BEGAIN: variants seen among roughly 807,000 people sequenced by gnomAD.
BEGAIN encodes brain-enriched guanylate kinase-associated protein.
In BEGAIN, 19 loss-of-function variants were observed where a neutral mutation model predicts 35.8. That is an observed-to-expected ratio of 0.53 (90% CI 0.37 to 0.78). The LOEUF is 0.78. BEGAIN is among the 30% of genes least tolerant of loss of function. BEGAIN has a pLI of 0.00. For missense variants in BEGAIN, 795 were observed against 853.6 expected (o/e 0.93, Z 0.85); for synonymous variants, 462 against 388.6 (o/e 1.19, Z -2.22).
intron 2 of BEGAIN, chr14:100,547,249 G>C (rs1246495598): frequency 4.6e-5 from 7 of 152,268 alleles, no homozygotes; most frequent in Non-Finnish European, 8.8e-5. Flanking sequence ...TCCCATGCCC[G>C]GGCAGTGTCT....
In BEGAIN at chr14:100,558,608, G is replaced by C. The variant is rs77688823; in HGVS notation, c.71+9303C>G. On this transcript the variant is annotated intron_variant, in intron 2 of 6. Transcript: ENST00000554140. The surrounding 1 kb of genome is among the most constrained non-coding windows in gnomAD (Gnocchi z 4.6). The stretch of plus-strand genomic sequence containing the variant: ...CATGGGCAGCACAGATCTGCTGGGC[G>C]CAGCTGAGCTCCCATCGCCCCTACA... 0.011 allele frequency among the ~76,000 whole-genome samples: 1,700 copies of C among 152,264 alleles called. 25 individuals are homozygous for C. Among genetic ancestry groups the C allele is most frequent in the South Asian group, 0.084 (405 of 4,818 alleles).
chr14:100,552,959 G>T (rs141547115), intron 2 of BEGAIN, among the ~76,000 whole-genome samples: 1,703 of 152,284 alleles, frequency 0.011, 14 homozygotes, highest in Non-Finnish European at 0.019. Context: ...GTCACGTGGG[G>T]AGCAGCTGCC....
At chr14:100,545,478 G>A in intron 3 of BEGAIN, 1 of 1,003,120 alleles carries the variant, frequency 1.0e-6, no homozygotes, top group African/African-American at 1.7e-5. Flanking sequence ...ACTATGTGAT[G>A]GGCCCCAGGG....
At chr14:100,570,141 G>A (rs2035030827) in intron 1 of BEGAIN, among the ~76,000 whole-genome samples, 1 of 152,228 alleles carries the variant, frequency 6.6e-6, no homozygotes, top group Non-Finnish European at 1.5e-5. Flanking sequence ...CACGGCGAAT[G>A]ACCTGCCAGG....
Position 100,546,408 on chromosome 14 carries a change from C to CCCGGCCCTCGCCCCGG in BEGAIN, c.233+92_233+93insCCGGGGCGAGGGCCGG, listed in dbSNP as rs1566964280. 5 of 40,680 alleles carry CCCGGCCCTCGCCCCGG rather than the reference C, an allele frequency of 1.2e-4. No individual in the cohort carries two copies. The African/African-American group carries it at 1.3e-3, about 10-fold the overall frequency. The allele number at this position is 40,680 out of a possible 1,614,324, so 2.5% of individuals were successfully genotyped here. A position where few individuals can be genotyped will look rare whatever the true frequency, so the allele number is the denominator to read the frequency against. On this transcript the variant is annotated intron_variant, in intron 3 of 6. Transcript: ENST00000554140. ...TCGCCCCGCCCCGGCCCTCGCCCCG[C>CCCGGCCCTCGCCCCGG]CCCGGCCCTCGCCCCGCCCCGGCCC...
chr14:100,568,262 CT>C lies in BEGAIN; in HGVS notation c.43-324del. ...CTCGGCCTCGCCCGGAGGAGGGGGA[CT>C]CGGCCTGTCCCCGTTAACTCTCCGG... On this transcript the variant is annotated intron_variant, in intron 1 of 6. Transcript: ENST00000554140. The surrounding 1 kb of genome is among the most constrained non-coding windows in gnomAD (Gnocchi z 7.5). 1 of 638,026 alleles carries C rather than the reference CT, an allele frequency of 1.6e-6. No individual in the cohort carries two copies. The highest frequency in any genetic ancestry group is 2.3e-6 in the Non-Finnish European group (1 of 439,798). The allele number at this position is 638,026 out of a possible 1,614,324, so 39.5% of individuals were successfully genotyped here.
chr14:100,539,619 G>C (rs1414253655), intron 6 of BEGAIN, among the ~76,000 whole-genome samples: 2 of 152,092 alleles, frequency 1.3e-5, no homozygotes, highest in African/African-American at 4.8e-5. Context: ...CCGGAACCCA[G>C]GTCTGATTCA....
In BEGAIN at chr14:100,567,890, C is replaced by T; in HGVS notation, c.71+21G>A. 2 of 1,465,974 alleles carry T rather than the reference C, an allele frequency of 1.4e-6. No individual in the cohort carries two copies. Among genetic ancestry groups the T allele is most frequent in the Admixed American group, 2.2e-5 (1 of 44,672 alleles). The allele number at this position is 1,465,974 out of a possible 1,614,324, so 90.8% of individuals were successfully genotyped here. On this transcript the variant is annotated intron_variant, in intron 2 of 6. Transcript: ENST00000554140. This position sits in a 1 kb window ranked among gnomAD's most constrained non-coding sequence, Gnocchi z 5.1. ...CCGACCCGGCCCCCGCGAGCCGCGG[C>T]ACGGGAGACGCTCCACTCACCTGAG...
rs762088795 is a variant in BEGAIN at position 100,538,241 on chromosome 14, C to G, written c.1567G>C (p.Gly523Arg). 4.5e-6 allele frequency: 7 copies of G among 1,570,116 alleles called. No homozygotes were observed. Among genetic ancestry groups the G allele is most frequent in the East Asian group, 2.3e-5 (1 of 43,796 alleles). Residue 523 changes from glycine to arginine, a missense_variant, in exon 7 of 7, where the codon GGC becomes CGC. This residue lies in a region of BEGAIN where 664 missense variants were observed against 647.7 expected (regional missense o/e 1.03). Transcript: ENST00000554140. Reference sequence around the variant, plus strand: ...CCGGGCAGTGGGTCAGCCGAGCGGCCGGGACTGAGGCTCAGGTCGCCGCCC... The same window carrying G: ...CCGGGCAGTGGGTCAGCCGAGCGGCGGGGACTGAGGCTCAGGTCGCCGCCC... ...RAGGDLSLSP[G>R]RSADPLPGYA... is the part of the protein sequence containing the mutation.
At chr14:100,541,371 C>T (rs2031583272) in intron 5 of BEGAIN, among the ~76,000 whole-genome samples, 1 of 152,234 alleles carries the variant, frequency 6.6e-6, no homozygotes, top group African/African-American at 2.4e-5. Context: ...GGGCTGGCCA[C>T]AGTCCCAACC....
At position 100,568,330 on chromosome 14, in the gene BEGAIN, CT is replaced by C; in HGVS notation, c.43-392del. On this transcript the variant is annotated intron_variant, in intron 1 of 6. Coordinates refer to ENST00000554140, the MANE Select transcript of BEGAIN (RefSeq NM_001385089.1). This position sits in a 1 kb window ranked among gnomAD's most constrained non-coding sequence, Gnocchi z 7.5. The stretch of plus-strand genomic sequence containing the variant: ...GCTCCCCCCGCCCCGCCCGTTAACC[CT>C]TCCTGCCCCGCGCTCCCTCCCGGAG... 4 of 923,828 alleles carry C rather than the reference CT, an allele frequency of 4.3e-6. No homozygotes were observed. The highest frequency in any genetic ancestry group is 2.6e-5 in the Admixed American group (1 of 38,984). 57.2% of individuals were successfully genotyped at this position (923,828 alleles called of 1,614,324 possible).
chr14:100,538,744 C>T lies in BEGAIN; in HGVS notation c.1064G>A (p.Arg355His), dbSNP rs199676704. The T allele has an allele frequency of 3.8e-6, 6 of 1,571,456 alleles. No individual in the cohort carries two copies. In the East Asian group the frequency reaches 7.1e-5, roughly 18 times the overall value. ...YLNSRDELFDRKPPATTYEGS... is the reference protein window; with the variant it reads ...YLNSRDELFDHKPPATTYEGS... ...CTCGTAGGTGGTGGCGGGTGGCTTGCGGTCGAAGAGCTCGTCGCGGCTGTT... is the reference window on the plus strand; with the variant it reads ...CTCGTAGGTGGTGGCGGGTGGCTTGTGGTCGAAGAGCTCGTCGCGGCTGTT... Residue 355 changes from arginine (R) to histidine (H), a missense_variant, in exon 7 of 7, where the codon CGC becomes CAC. Physicochemically the swap from Arg to His is conservative, Grantham distance 29. This residue lies in a region of BEGAIN where 664 missense variants were observed against 647.7 expected (regional missense o/e 1.03). Coordinates refer to ENST00000554140, the MANE Select transcript of BEGAIN (RefSeq NM_001385089.1).
Position 100,563,638 on chromosome 14 carries a change from G to A in BEGAIN, c.71+4273C>T, listed in dbSNP as rs778766393. Among the ~76,000 whole-genome samples the A allele has an allele frequency of 3.3e-5, 5 of 152,228 alleles. No homozygotes were observed. Among genetic ancestry groups the A allele is most frequent in the East Asian group, 1.9e-4 (1 of 5,184 alleles). ...TGGAGGGACAGTGATGGGGAGAAGCGGTTTCAAGAGTCTGTTCCGATCTTC... is the reference window on the plus strand; with the variant it reads ...TGGAGGGACAGTGATGGGGAGAAGCAGTTTCAAGAGTCTGTTCCGATCTTC... On this transcript the variant is annotated intron_variant, in intron 2 of 6. Coordinates refer to ENST00000554140, the MANE Select transcript of BEGAIN (RefSeq NM_001385089.1). The surrounding 1 kb of genome is among the most constrained non-coding windows in gnomAD (Gnocchi z 4.2).
In BEGAIN at chr14:100,546,796, A is replaced by G. The variant is rs940882399; in HGVS notation, c.72-134T>C. ...CGCGCGCGCGCACACACACACACAC[A>G]CACACACACACACACACTCACACAC... On this transcript the variant is annotated intron_variant, in intron 2 of 6. Coordinates refer to ENST00000554140, the MANE Select transcript of BEGAIN (RefSeq NM_001385089.1). The G allele has an allele frequency of 1.4e-5, 9 of 626,294 alleles. No homozygotes were observed. In the East Asian group the frequency reaches 2.5e-4, roughly 17 times the overall value. 38.8% of individuals were successfully genotyped at this position (626,294 alleles called of 1,614,324 possible).
In BEGAIN at chr14:100,538,007, G is replaced by C; in HGVS notation, c.1801C>G (p.Leu601Val). 6.2e-7 allele frequency: 1 copy of C among 1,609,590 alleles called. No individual in the cohort carries two copies. Among genetic ancestry groups the C allele is most frequent in the Non-Finnish European group, 8.5e-7 (1 of 1,178,934 alleles). Residue 601 changes from leucine to valine, a missense_variant, in exon 7 of 7, where the codon CTC becomes GTC. Transcript: ENST00000554140. ...GTTCCGTAGAGCTGGGCCTTGGTGA[G>C]GCTGTCCTTGCGGCTCAGCCCCGAG... ...GGSGLSRKDS[L>V]TKAQLYGTLL...
chr14:100,582,692 C>T (rs894171516), intron 1 of BEGAIN, among the ~76,000 whole-genome samples: 7 of 152,112 alleles, frequency 4.6e-5, no homozygotes, highest in East Asian at 1.9e-4. Context: ...TGGGCAAGGA[C>T]GCCCCTGTAG....
At chr14:100,555,410 C>T (rs1008047667) in intron 2 of BEGAIN, among the ~76,000 whole-genome samples, 2 of 152,368 alleles carry the variant, frequency 1.3e-5, no homozygotes, top group East Asian at 1.9e-4. Flanking sequence ...GCTCCTGCTG[C>T]GCTGACTCTG....
chr14:100,560,949 G>A lies in BEGAIN; in HGVS notation c.71+6962C>T, dbSNP rs553128592. On this transcript the variant is annotated intron_variant, in intron 2 of 6. Transcript: ENST00000554140. The stretch of plus-strand genomic sequence containing the variant: ...CTCTCAGGTTGCTTTGCAGACACGG[G>A]GGACCTTTAAGAGACAGGCAGTCCC... 2.6e-5 allele frequency among the ~76,000 whole-genome samples: 4 copies of A among 152,308 alleles called. No individual in the cohort carries two copies. The South Asian group carries it at 8.3e-4, about 32-fold the overall frequency.
In BEGAIN at chr14:100,567,155, C is replaced by T. The variant is rs1400645813; in HGVS notation, c.71+756G>A. Among the ~76,000 whole-genome samples the T allele has an allele frequency of 6.6e-6, 1 of 152,204 alleles. No homozygotes were observed. The highest frequency in any genetic ancestry group is 1.5e-5 in the Non-Finnish European group (1 of 68,028). On this transcript the variant is annotated intron_variant, in intron 2 of 6. Transcript: ENST00000554140. The surrounding 1 kb of genome is among the most constrained non-coding windows in gnomAD (Gnocchi z 5.1). ...GCCTGCCGCCCACACAACGCCTCGG[C>T]TCAGGCTCCGGAAGGAAAACACGGG...
Sources: allele counts gnomAD v4.1 joint callset (sites outside exome capture counted in the v4.1 genomes callset), GRCh38; gene constraint gnomAD v4.1.1; regional missense constraint gnomAD v4.1.1; non-coding constraint Gnocchi (gnomAD v3.1); transcripts MANE v1.5; gene names NCBI Gene and HGNC (gene_info 2026-07-23, HGNC 2026-07-21).